Variants in SI observed in about 807,000 individuals in gnomAD.
SI encodes the protein sucrase-isomaltase, intestinal.
In SI, 235 loss-of-function variants were observed where a neutral mutation model predicts 253.3. The ratio of observed to expected loss-of-function variants is 0.93; its 90% CI spans 0.83 to 1.03. The LOEUF (loss-of-function observed/expected upper bound fraction) is 1.03, where lower values mean the gene tolerates loss of function less well. Ranked by LOEUF, SI falls within the 50% of genes least tolerant of loss-of-function variation. The pLI, the probability that SI is intolerant of heterozygous loss-of-function variation, is 0.00. For missense variants in SI, 2,442 were observed against 2,211.1 expected, an observed-to-expected ratio of 1.10 and a Z score of -2.09; for synonymous variants, 819 against 712.0, an observed-to-expected ratio of 1.15 and a Z score of -2.39.
In SI at chr3:165,023,571, T is replaced by C; in HGVS notation, c.3098A>G (p.Lys1033Arg). The C allele has an allele frequency of 6.2e-7, 1 of 1,608,024 alleles. No individual in the cohort carries two copies. The highest frequency in any genetic ancestry group is 8.5e-7 in the Non-Finnish European group (1 of 1,175,428). The change falls in exon 26 of 48, where the codon AAG becomes AGG. Residue 1033 changes from lysine to arginine, a missense_variant and splice_region_variant. Coordinates refer to ENST00000264382, the MANE Select transcript of SI (RefSeq NM_001041.4). ...KYHKNDMLQF[K>R]IYDPQKKRYE... ...TGGGGTAGTTTATATCAAGCATACC[T>C]TAAACTGCAACATATCATTTTTGTG... is the stretch of plus-strand genomic sequence containing the variant.
chr3:165,023,663 A>G lies in SI; in HGVS notation c.3006T>C (p.Asn1002=). Residue 1002 remains asparagine, a synonymous_variant, in exon 26 of 48, where the codon AAT becomes AAC. Transcript: ENST00000264382. ...GTAACTTTATTCTGGCATTTGCAGT[A>G]TTTAGTTGGAGGTCAGCTGTTATAC... The part of the protein sequence containing the change: ...SMGITADLQL[N]TANARIKLPS... 6.2e-7 allele frequency: 1 copy of G among 1,610,920 alleles called. No individual in the cohort carries two copies. The highest frequency in any genetic ancestry group is 8.5e-7 in the Non-Finnish European group (1 of 1,177,938).
At position 165,067,488 on chromosome 3, in the gene SI, T is replaced by C; in HGVS notation, c.487A>G (p.Thr163Ala). ...QTPNRFRFKI[T>A]DPNNRRYEVP... ...TCATATCTTCTATTATTTGGATCAG[T>C]AATCTGGAAAGATTTAAGCAAGGTA... is the stretch of plus-strand genomic sequence containing the variant. The change falls in exon 6 of 48, where the codon ACT (threonine) becomes GCT (alanine). Residue 163 changes from threonine to alanine, a missense_variant. Thr to Ala is a moderately conservative substitution (Grantham distance 58). Transcript: ENST00000264382. 6.2e-7 allele frequency: 1 copy of C among 1,607,758 alleles called. No individual in the cohort carries two copies.
chr3:165,086,968 T>G, the SI span, among the ~76,000 whole-genome samples: 1 of 152,070 alleles, frequency 6.6e-6, no homozygotes, highest in African/African-American at 2.4e-5. Flanking sequence ...ATGAGACAGT[T>G]TCAGTGGAAA....
intron 3 of SI, among the ~76,000 whole-genome samples, chr3:165,071,757 A>T (rs1292248383): frequency 6.6e-6 from 1 of 152,082 alleles, no homozygotes; most frequent in Non-Finnish European, 1.5e-5. Context: ...CACGAAGAGG[A>T]AATACTATGT....
At chr3:165,058,901 A>G in intron 12 of SI, 62 bp downstream of exon 12, 1 of 1,197,220 alleles carries the variant, frequency 8.4e-7, no homozygotes, top group South Asian at 1.2e-5. Context: ...CATCCACAGA[A>G]ACTTTATTAT....
intron 25 of SI, among the ~76,000 whole-genome samples, chr3:165,028,442 T>C (rs1319685702): frequency 1.3e-5 from 2 of 151,374 alleles, no homozygotes; most frequent in African/African-American, 4.8e-5. Context: ...AAAACAATCC[T>C]AAAATTCATA....
chr3:165,078,830 C>A (rs1198770288), upstream of SI, among the ~76,000 whole-genome samples: 3 of 150,896 alleles, frequency 2.0e-5, no homozygotes, highest in Admixed American at 1.3e-4. Context: ...CAATTTAGAT[C>A]CTCACTGGAG....
At chr3:165,088,178 T>C in the SI span, among the ~76,000 whole-genome samples, 7 of 151,868 alleles carry the variant, frequency 4.6e-5, no homozygotes, top group African/African-American at 1.7e-4. Flanking sequence ...AAACCTTGTC[T>C]CTACTAAAAA....
Position 165,018,066 on chromosome 3 carries a change from A to T in SI, c.3424T>A (p.Tyr1142Asn), listed in dbSNP as rs990077130. The T allele has an allele frequency of 3.2e-6, 5 of 1,554,780 alleles. No homozygotes were observed. Among genetic ancestry groups the T allele is most frequent in the Middle Eastern group, 1.7e-4 (1 of 5,948 alleles). ...GMFTRDQPPG[Y>N]KLNSYGFHPY... ...TGAAATCCATAGGAATTAAGTTTGT[A>T]CTGAAATACGAAAAATAAGCACAAT... is the stretch of plus-strand genomic sequence containing the variant. The change falls in exon 29 of 48, where the codon TAC (tyrosine) becomes AAC (asparagine). Residue 1142 changes from tyrosine to asparagine, a missense_variant and splice_region_variant. By Grantham distance (143) the Tyr-to-Asn change is moderately radical. Transcript: ENST00000264382.
At chr3:165,014,079 T>C (rs1718905011) in intron 33 of SI, among the ~76,000 whole-genome samples, 1 of 152,182 alleles carries the variant, frequency 6.6e-6, no homozygotes, top group Non-Finnish European at 1.5e-5. Flanking sequence ...TATATAACAA[T>C]AGTGAACTTA....
At chr3:164,991,091 G>A (rs1239412810) in intron 44 of SI, among the ~76,000 whole-genome samples, 5 of 152,024 alleles carry the variant, frequency 3.3e-5, no homozygotes, top group African/African-American at 1.2e-4. Flanking sequence ...CCTCCTACAT[G>A]TGCAACATCT....
At chr3:165,029,408 G>C (rs1327022379) in intron 25 of SI, among the ~76,000 whole-genome samples, 2 of 150,410 alleles carry the variant, frequency 1.3e-5, no homozygotes, top group African/African-American at 4.9e-5. Flanking sequence ...ACTACTATTT[G>C]ATCCAGCAAT....
intron 45 of SI, among the ~76,000 whole-genome samples, chr3:164,986,895 C>T (rs920280237): frequency 1.3e-5 from 2 of 152,184 alleles, no homozygotes; most frequent in African/African-American, 4.8e-5. Context: ...ATTCTGCCCA[C>T]ACAAATTTCT....
chr3:165,076,049 ATATATAAC>A (rs1226098445), intron 1 of SI, 37 bp from the exon 2 acceptor site: 1 of 1,312,558 alleles, frequency 7.6e-7, no homozygotes, highest in East Asian at 2.6e-5. Context: ...AAAATGTAAA[ATATATAAC>A]TATAATAAAC....
chr3:165,009,399 T>C lies in SI; in HGVS notation c.4063-4A>G, dbSNP rs1718664863. On this transcript the variant is annotated splice_region_variant and splice_polypyrimidine_tract_variant and intron_variant, in intron 34 of 47. Transcript: ENST00000264382. ...AAGCTACATGAGCTCTGGAAGCCTG[T>C]AAAACCAAAATTTAGGCTCACATGT... The C allele has an allele frequency of 6.3e-7, 1 of 1,576,944 alleles. No homozygotes were observed. Among genetic ancestry groups the C allele is most frequent in the Non-Finnish European group, 8.7e-7 (1 of 1,146,506 alleles).
At chr3:165,029,271 A>T (rs1024427539) in intron 25 of SI, among the ~76,000 whole-genome samples, 32 of 143,574 alleles carry the variant, frequency 2.2e-4, no homozygotes, top group Admixed American at 6.3e-4. Context: ...ATCAAAAAAT[A>T]AAAAAAAAAT....
upstream of SI, among the ~76,000 whole-genome samples, chr3:165,079,449 G>C (rs532579686): frequency 2.0e-5 from 3 of 151,500 alleles, no homozygotes; most frequent in African/African-American, 7.3e-5. Context: ...AACTAAATAT[G>C]AGTCTAAAAA....
intron 40 of SI, among the ~76,000 whole-genome samples, chr3:164,995,463 T>A (rs1041462173): frequency 6.6e-6 from 1 of 151,826 alleles, no homozygotes. Flanking sequence ...ATTCGAGTAA[T>A]ACATTTCAAT....
chr3:164,991,587 TA>T (rs1179742061), intron 43 of SI, 110 bp from the exon 44 acceptor site: 8 of 1,158,890 alleles, frequency 6.9e-6, no homozygotes, highest in Non-Finnish European at 1.0e-5. Flanking sequence ...ACTTTTAGAT[TA>T]AAAAATTCAC....
Sources: allele counts gnomAD v4.1 joint callset (sites outside exome capture counted in the v4.1 genomes callset), GRCh38; gene constraint gnomAD v4.1.1; transcripts MANE v1.5; gene names NCBI Gene and HGNC (gene_info 2026-07-23, HGNC 2026-07-21).